The following HOMER2 variants were observed in gnomAD, a reference collection of about 807,000 sequenced individuals.
The protein encoded by HOMER2 is homer protein homolog 2.
HOMER2 carries 27 observed loss-of-function variants against 47.0 expected under a neutral mutation model. The observed-to-expected ratio is 0.57, with a 90% CI of 0.42 to 0.79. The LOEUF (loss-of-function observed/expected upper bound fraction) is 0.79, where lower values mean the gene tolerates loss of function less well. Among genes scored for constraint, HOMER2 ranks in the 30% least tolerant of loss-of-function variants. The pLI, the probability that HOMER2 is intolerant of heterozygous loss-of-function variation, is 0.00. For synonymous variants in HOMER2, 161 were observed against 163.8 expected, an observed-to-expected ratio of 0.98 and a Z score of 0.13; for missense variants, 443 against 435.0, an observed-to-expected ratio of 1.02 and a Z score of -0.16.
At chr15:82,892,217 C>T (rs1265662594) in intron 2 of HOMER2, among the ~76,000 whole-genome samples, 3 of 152,288 alleles carry the variant, frequency 2.0e-5, no homozygotes, top group East Asian at 3.9e-4. Context: ...CACTCTCATA[C>T]AGGCTGGAAG....
chr15:82,902,384 G>T (rs1488370659), intron 1 of HOMER2, among the ~76,000 whole-genome samples: 2 of 152,018 alleles, frequency 1.3e-5, no homozygotes, highest in Non-Finnish European at 2.9e-5. Context: ...TTTTAGTAGA[G>T]ACAGGGTTTC....
At chr15:82,958,811 G>A (rs1298359593) in exon 2 of HOMER2, 1 of 152,354 alleles carries the variant, frequency 6.6e-6, no homozygotes, top group South Asian at 2.1e-4. Context: ...CAACCTTGAG[G>A]AGAGGACTTT....
At chr15:82,929,890 C>T (rs2053962794) in intron 1 of HOMER2, among the ~76,000 whole-genome samples, 1 of 151,914 alleles carries the variant, frequency 6.6e-6, no homozygotes, top group East Asian at 2.0e-4. Flanking sequence ...GCCACCACGC[C>T]TGGCTAATTT....
chr15:82,938,527 C>A (rs991764418), intron 1 of HOMER2, among the ~76,000 whole-genome samples: 1 of 152,164 alleles, frequency 6.6e-6, no homozygotes, highest in Admixed American at 6.5e-5. Context: ...TCCAACCTTA[C>A]TGCCTCTCAT....
rs777501352 is a variant in HOMER2, at chr15:82,864,210, T to C, written c.344A>G (p.Asp115Gly). The change falls in exon 4 of 9, where the codon GAC becomes GGC. Residue 115 changes from aspartate to glycine, a missense_variant. By Grantham distance (94) the Asp-to-Gly change is moderately conservative (BLOSUM62 -1). Transcript: ENST00000450735. ...EVKEAAKIAK[D>G]KTQEKIETSS... ...GGTCTCGATTTTCTCCTGCGTCTTG[T>C]CTTTGGCTATCTTGGCAGCTTCTTT... 7 of 1,612,554 alleles carry C rather than the reference T, an allele frequency of 4.3e-6. No individual in the cohort carries two copies. Among genetic ancestry groups the C allele is most frequent in the Non-Finnish European group, 5.9e-6 (7 of 1,179,236 alleles).
chr15:82,959,051 T>C (rs904515193), exon 2 of HOMER2: 4 of 152,590 alleles, frequency 2.6e-5, no homozygotes, highest in East Asian at 1.9e-4. Context: ...CTTGTTCTGT[T>C]TGGCTCCATC....
intron 5 of HOMER2, 86 bp from the exon 6 acceptor site, chr15:82,854,886 C>A: frequency 6.7e-7 from 1 of 1,494,290 alleles, no homozygotes; most frequent in Non-Finnish European, 9.1e-7. Context: ...TCCGCCATCC[C>A]TCAGCACACC....
At chr15:82,954,606 A>T (rs1239719676), upstream of HOMER2, among the ~76,000 whole-genome samples, 1 of 151,384 alleles carries the variant, frequency 6.6e-6, no homozygotes, top group Non-Finnish European at 1.5e-5. Context: ...TCATTTTTTT[A>T]AACTACAATC....
At chr15:82,967,975 G>A (rs748264485) in intron 1 of HOMER2, among the ~76,000 whole-genome samples, 1 of 152,044 alleles carries the variant, frequency 6.6e-6, no homozygotes, top group Non-Finnish European at 1.5e-5. Flanking sequence ...AATATAATAG[G>A]TATTTTATTC....
intron 1 of HOMER2, among the ~76,000 whole-genome samples, chr15:82,971,381 G>C (rs977086510): frequency 3.9e-5 from 6 of 151,908 alleles, no homozygotes; most frequent in African/African-American, 1.5e-4. Flanking sequence ...GAGAGAGAGA[G>C]ATAGCGAGAG....
At chr15:82,874,655 T>C (rs1373861344) in intron 3 of HOMER2, among the ~76,000 whole-genome samples, 1 of 152,188 alleles carries the variant, frequency 6.6e-6, no homozygotes, top group Non-Finnish European at 1.5e-5. Context: ...CACCACTGTG[T>C]GGCATTTTAA....
chr15:82,891,269 G>A (rs537421156), intron 2 of HOMER2, among the ~76,000 whole-genome samples: 9 of 152,256 alleles, frequency 5.9e-5, no homozygotes, highest in Non-Finnish European at 8.8e-5. Flanking sequence ...CCCCAGAGGC[G>A]TGAACCTGGG....
At chr15:82,961,538 C>T (rs887377401) in intron 1 of HOMER2, among the ~76,000 whole-genome samples, 1 of 152,238 alleles carries the variant, frequency 6.6e-6, no homozygotes, top group Non-Finnish European at 1.5e-5. Flanking sequence ...CCTTTAAATT[C>T]CTGTGCTTCA....
intron 1 of HOMER2, among the ~76,000 whole-genome samples, chr15:82,962,660 G>C (rs1411553971): frequency 1.3e-5 from 2 of 152,114 alleles, no homozygotes; most frequent in African/African-American, 2.4e-5. Flanking sequence ...CTGGGCAACA[G>C]AGTGAGACTC....
intron 2 of HOMER2, among the ~76,000 whole-genome samples, chr15:82,880,852 G>C (rs901256741): frequency 2.0e-5 from 3 of 152,168 alleles, no homozygotes; most frequent in Admixed American, 2.0e-4. Context: ...CCAAGGAAGA[G>C]CAGGTGAAGG....
chr15:82,843,148 T>C (rs1255172526), exon 2 of HOMER2: 3 of 152,034 alleles, frequency 2.0e-5, no homozygotes, highest in Non-Finnish European at 4.4e-5. Context: ...GCCATCAGAA[T>C]TGGGAAGACC....
chr15:82,900,459 G>A (rs576212687), intron 1 of HOMER2, among the ~76,000 whole-genome samples: 116 of 148,026 alleles, frequency 7.8e-4, no homozygotes, highest in African/African-American at 2.8e-3. Flanking sequence ...ATTATTTTTA[G>A]AACTAGACAG....
intron 1 of HOMER2, among the ~76,000 whole-genome samples, chr15:82,923,537 T>A (rs571652536): frequency 1.3e-5 from 2 of 149,388 alleles, no homozygotes; most frequent in African/African-American, 4.9e-5. Flanking sequence ...AGGCTTTGAG[T>A]GAACCCCAGT....
chr15:82,876,179 C>T lies in HOMER2; in HGVS notation c.163-775G>A, dbSNP rs575510516. On this transcript the variant is annotated intron_variant, in intron 2 of 8. Transcript: ENST00000450735. ...CTCTCTCCCTTTGATTTCCACTTGC[C>T]ATTGGATAAACCCAGCTAGAAGCCA... 3.7e-4 allele frequency among the ~76,000 whole-genome samples: 56 copies of T among 152,294 alleles called. No homozygotes were observed. In the South Asian group the frequency reaches 9.1e-3, roughly 25 times the overall value.
Sources: allele counts gnomAD v4.1 joint callset (sites outside exome capture counted in the v4.1 genomes callset), GRCh38; gene constraint gnomAD v4.1.1; transcripts MANE v1.5; gene names NCBI Gene and HGNC (gene_info 2026-07-23, HGNC 2026-07-21).